Variants in GRM8 observed in about 807,000 individuals in gnomAD.
The protein encoded by GRM8 is glutamate metabotropic receptor 8.
GRM8 carries 47 observed loss-of-function variants against 87.2 expected under a neutral mutation model. That is an observed-to-expected ratio of 0.54 (90% CI 0.43 to 0.69). The LOEUF is 0.69. GRM8 is among the 30% of genes least tolerant of loss of function. The pLI, the probability that GRM8 is intolerant of heterozygous loss-of-function variation, is 0.00. For synonymous variants in GRM8, 396 were observed against 404.5 expected, an observed-to-expected ratio of 0.98 and a Z score of 0.25; for missense variants, 1,019 against 1,139.2, an observed-to-expected ratio of 0.89 and a Z score of 1.52.
chr7:127,244,508 G>A (rs1181447254), intron 1 of GRM8, among the ~76,000 whole-genome samples: 1 of 152,070 alleles, frequency 6.6e-6, no homozygotes, highest in Non-Finnish European at 1.5e-5. Flanking sequence ...CTTAACACAG[G>A]GAATCTGAGA....
At chr7:126,722,657 A>G (rs1812510063) in intron 7 of GRM8, among the ~76,000 whole-genome samples, 1 of 152,094 alleles carries the variant, frequency 6.6e-6, no homozygotes. Context: ...AAAGAAACCA[A>G]GCACAAGCAA....
intron 6 of GRM8, among the ~76,000 whole-genome samples, chr7:126,778,047 T>C (rs1269484115): frequency 6.6e-6 from 1 of 152,188 alleles, no homozygotes; most frequent in Non-Finnish European, 1.5e-5. Context: ...CCCAAGGTTC[T>C]GCTTTGTGGA....
At chr7:126,835,532 C>T (rs1795762828) in intron 6 of GRM8, among the ~76,000 whole-genome samples, 1 of 151,958 alleles carries the variant, frequency 6.6e-6, no homozygotes, top group Non-Finnish European at 1.5e-5. Context: ...GTTTGATAAG[C>T]ATTAAAAAAA....
intron 6 of GRM8, among the ~76,000 whole-genome samples, chr7:126,774,360 C>T (rs1322940909): frequency 2.0e-5 from 3 of 152,124 alleles, no homozygotes; most frequent in Admixed American, 6.6e-5. Flanking sequence ...TGTAAAATTT[C>T]ATTATGCTAT....
intron 6 of GRM8, among the ~76,000 whole-genome samples, chr7:126,811,593 T>C (rs1793302572): frequency 6.6e-6 from 1 of 152,064 alleles, no homozygotes; most frequent in Non-Finnish European, 1.5e-5. Flanking sequence ...TGGTTAAATA[T>C]ATTCCTAGGT....
intron 6 of GRM8, among the ~76,000 whole-genome samples, chr7:126,803,315 G>A (rs1822939274): frequency 6.6e-6 from 1 of 152,104 alleles, no homozygotes; most frequent in Non-Finnish European, 1.5e-5. Context: ...CACAGACTGC[G>A]GGTAGCTCCA....
intron 6 of GRM8, among the ~76,000 whole-genome samples, chr7:126,791,297 C>A (rs1052402717): frequency 6.6e-6 from 1 of 152,192 alleles, no homozygotes; most frequent in South Asian, 2.1e-4. Flanking sequence ...TACTAGCATT[C>A]TTTGCCTTTA....
At chr7:127,011,452 G>C (rs974284191) in intron 3 of GRM8, among the ~76,000 whole-genome samples, 2 of 152,058 alleles carry the variant, frequency 1.3e-5, no homozygotes, top group African/African-American at 4.8e-5. Flanking sequence ...ATCTCACTTA[G>C]GATGTGCAGT....
chr7:126,885,950 G>A (rs1800452301), intron 6 of GRM8, among the ~76,000 whole-genome samples: 1 of 152,164 alleles, frequency 6.6e-6, no homozygotes, highest in African/African-American at 2.4e-5. Context: ...ATTCTTTGTG[G>A]CACTTGGCAC....
chr7:126,491,971 A>T (rs113022207), intron 9 of GRM8, among the ~76,000 whole-genome samples: 5 of 152,052 alleles, frequency 3.3e-5, no homozygotes, highest in Non-Finnish European at 7.4e-5. Flanking sequence ...TAAAAAAGCC[A>T]TCCCTTCTTT....
intron 3 of GRM8, among the ~76,000 whole-genome samples, chr7:126,905,959 A>G (rs1802631214): frequency 6.6e-6 from 1 of 152,208 alleles, no homozygotes; most frequent in South Asian, 2.1e-4. Flanking sequence ...GAAGTTGGAA[A>G]CAATGACCAG....
rs999807931 is a variant in GRM8 at position 126,712,858 on chromosome 7, C to T, written c.1357+57007G>A. Among the ~76,000 whole-genome samples, 6 of 152,196 alleles carry T rather than the reference C, an allele frequency of 3.9e-5. 1 individual carries two copies. The highest frequency in any genetic ancestry group is 1.2e-4 in the African/African-American group (5 of 41,452). On this transcript the variant is annotated intron_variant, in intron 7 of 10. Coordinates refer to ENST00000339582, the MANE Select transcript of GRM8 (RefSeq NM_000845.3). ...TGTGGGAAAAAAAAGCTCATCATCACTTGTTGATAGAGAAATGCAAATCAA... is the reference window on the plus strand; with the variant it reads ...TGTGGGAAAAAAAAGCTCATCATCATTTGTTGATAGAGAAATGCAAATCAA...
At chr7:126,984,230 T>G (rs535663286) in intron 3 of GRM8, among the ~76,000 whole-genome samples, 4 of 152,202 alleles carry the variant, frequency 2.6e-5, no homozygotes, top group Non-Finnish European at 5.9e-5. Context: ...AGATTACATA[T>G]GATCTCAGGA....
At chr7:127,030,947 T>G (rs1219122175) in intron 3 of GRM8, among the ~76,000 whole-genome samples, 1 of 152,144 alleles carries the variant, frequency 6.6e-6, no homozygotes, top group Non-Finnish European at 1.5e-5. Context: ...TTAATATTAC[T>G]TTTAAGATGT....
chr7:126,674,101 A>G (rs1356790204), intron 7 of GRM8, among the ~76,000 whole-genome samples: 2 of 152,080 alleles, frequency 1.3e-5, no homozygotes, highest in East Asian at 3.9e-4. Context: ...CCATCTCTCA[A>G]CCTGCTGGCC....
intron 7 of GRM8, among the ~76,000 whole-genome samples, chr7:126,710,431 A>G (rs983012411): frequency 6.6e-6 from 1 of 152,206 alleles, no homozygotes; most frequent in Non-Finnish European, 1.5e-5. Context: ...CTGCTGCCTT[A>G]TTAACTAAGT....
At chr7:127,010,419 A>G (rs1232088880) in intron 3 of GRM8, among the ~76,000 whole-genome samples, 1 of 152,212 alleles carries the variant, frequency 6.6e-6, no homozygotes, top group Admixed American at 6.5e-5. Flanking sequence ...TACAGGTGGT[A>G]AGCAAGTATG....
intron 3 of GRM8, among the ~76,000 whole-genome samples, chr7:126,972,921 C>G (rs1810577594): frequency 6.6e-6 from 1 of 152,176 alleles, no homozygotes. Flanking sequence ...CACATTTGAG[C>G]AAATGCAATT....
intron 7 of GRM8, among the ~76,000 whole-genome samples, chr7:126,723,065 G>A (rs1325816860): frequency 6.9e-6 from 1 of 144,054 alleles, no homozygotes; most frequent in Non-Finnish European, 1.5e-5. Context: ...GCATTTGCAG[G>A]TTTTCTTTGG....
Sources: gnomAD v4.1 joint callset for allele counts (sites outside exome capture counted in the v4.1 genomes callset) on GRCh38, gnomAD v4.1.1 for gene constraint, MANE v1.5 for transcripts, NCBI Gene and HGNC (gene_info 2026-07-23, HGNC 2026-07-21) for gene names.